Variants in EXOC6 observed in about 807,000 individuals in gnomAD.
EXOC6 encodes the protein SEC15-like 1.
Under a neutral mutation model 112.5 loss-of-function variants are expected in EXOC6, and 60 were observed. The observed-to-expected ratio is 0.53, with a 90% CI of 0.43 to 0.66. The LOEUF (loss-of-function observed/expected upper bound fraction) is 0.66, where lower values mean the gene tolerates loss of function less well. Ranked by LOEUF, EXOC6 falls within the 30% of genes least tolerant of loss-of-function variation. The probability of loss-of-function intolerance (pLI) is 0.00; values close to 1 mark genes in which losing one functional copy is unlikely to be tolerated. For synonymous variants in EXOC6, 295 were observed against 308.0 expected, an observed-to-expected ratio of 0.96 and a Z score of 0.44; for missense variants, 855 against 957.1, an observed-to-expected ratio of 0.89 and a Z score of 1.41.
intron 1 of EXOC6, among the ~76,000 whole-genome samples, chr10:92,863,011 C>G (rs1564782490): frequency 6.6e-6 from 1 of 152,136 alleles, no homozygotes; most frequent in African/African-American, 2.4e-5. Flanking sequence ...GATACAAGCT[C>G]GACTTAACAG....
intron 18 of EXOC6, among the ~76,000 whole-genome samples, chr10:92,975,649 G>T (rs1397421297): frequency 7.7e-6 from 1 of 129,484 alleles, no homozygotes; most frequent in East Asian, 2.4e-4. Flanking sequence ...CAGCCACCCC[G>T]TCCGGGAGGT....
intron 20 of EXOC6, among the ~76,000 whole-genome samples, chr10:93,017,310 G>A (rs1397411761): frequency 2.0e-5 from 3 of 151,984 alleles, no homozygotes; most frequent in African/African-American, 7.2e-5. Context: ...CATATTGGGG[G>A]CTGGGCACGG....
At chr10:92,864,341 T>C (rs1027579232) in intron 1 of EXOC6, among the ~76,000 whole-genome samples, 6 of 152,246 alleles carry the variant, frequency 3.9e-5, no homozygotes, top group East Asian at 1.9e-4. Flanking sequence ...AAGGCAGATA[T>C]ACATCATTTT....
Position 92,925,875 on chromosome 10 carries a change from C to A in EXOC6, c.889-2464C>A, listed in dbSNP as rs920424691. On this transcript the variant is annotated intron_variant, in intron 8 of 21. Coordinates refer to ENST00000260762, the MANE Select transcript of EXOC6 (RefSeq NM_019053.6). ...GAGATAGCTTGACATGCTGCCTAGGCTGATCATGAACTCCTGGCCTTGAGC... is the reference window on the plus strand; with the variant it reads ...GAGATAGCTTGACATGCTGCCTAGGATGATCATGAACTCCTGGCCTTGAGC... 6.6e-5 allele frequency among the ~76,000 whole-genome samples: 10 copies of A among 151,784 alleles called. 1 individual carries two copies. The highest frequency in any genetic ancestry group is 2.4e-4 in the African/African-American group (10 of 41,280).
chr10:93,013,214 T>G (rs1437125183), intron 19 of EXOC6, among the ~76,000 whole-genome samples: 1 of 152,170 alleles, frequency 6.6e-6, no homozygotes, highest in African/African-American at 2.4e-5. Context: ...GTTAGTAGTA[T>G]TAAAAATTTT....
intron 5 of EXOC6, among the ~76,000 whole-genome samples, chr10:92,904,307 G>T (rs140837399): frequency 3.5e-4 from 54 of 152,134 alleles, no homozygotes; most frequent in Admixed American, 1.2e-3. Flanking sequence ...ATTAATGTGG[G>T]TAAATACCTG....
At chr10:92,851,924 T>C (rs557987648) in intron 1 of EXOC6, among the ~76,000 whole-genome samples, 1 of 152,064 alleles carries the variant, frequency 6.6e-6, no homozygotes, top group African/African-American at 2.4e-5. Flanking sequence ...AAAAATTAGC[T>C]AAGTGTGGTG....
chr10:92,899,727 G>A (rs1230271045), intron 5 of EXOC6, 83 bp downstream of exon 5: 1 of 1,037,418 alleles, frequency 9.6e-7, no homozygotes, highest in East Asian at 2.5e-5. Context: ...ATAAATCATA[G>A]TGAATCATGA....
rs142172546 is a variant in EXOC6 at position 92,873,725 on chromosome 10, A to G, written c.102-19624A>G. The stretch of plus-strand genomic sequence containing the variant: ...ATAGAACGTGAGTTTTATGTAAACA[A>G]GAAATATTTTTCAGTATTCCGTGGT... On this transcript the variant is annotated intron_variant, in intron 1 of 21. Coordinates refer to ENST00000260762, the MANE Select transcript of EXOC6 (RefSeq NM_019053.6). Among the ~76,000 whole-genome samples, 18 of 152,250 alleles carry G rather than the reference A, an allele frequency of 1.2e-4. No homozygotes were observed. In the East Asian group the frequency reaches 3.5e-3, roughly 29 times the overall value.
chr10:92,853,195 G>A (rs1847434958), intron 1 of EXOC6, among the ~76,000 whole-genome samples: 1 of 152,170 alleles, frequency 6.6e-6, no homozygotes, highest in Admixed American at 6.5e-5. Context: ...TGGAAGACTT[G>A]TATGTGAAAA....
At chr10:92,878,878 A>G (rs2133758139) in intron 1 of EXOC6, among the ~76,000 whole-genome samples, 1 of 151,280 alleles carries the variant, frequency 6.6e-6, no homozygotes, top group East Asian at 1.9e-4. Context: ...TTAATTTGTA[A>G]TAAGAGCTTA....
intron 18 of EXOC6, among the ~76,000 whole-genome samples, chr10:92,981,458 G>GTAAA (rs1420042855): frequency 6.6e-6 from 1 of 152,186 alleles, no homozygotes; most frequent in Non-Finnish European, 1.5e-5. Flanking sequence ...GTAAATGACA[G>GTAAA]TGAGTTTTAA....
chr10:92,908,508 T>G (rs1048237330), intron 5 of EXOC6, among the ~76,000 whole-genome samples: 6 of 152,208 alleles, frequency 3.9e-5, no homozygotes, highest in Non-Finnish European at 8.8e-5. Flanking sequence ...AATTAATTTT[T>G]AAAGTTCCTC....
intron 18 of EXOC6, among the ~76,000 whole-genome samples, chr10:92,992,588 A>G (rs1280479688): frequency 6.6e-6 from 1 of 152,270 alleles, no homozygotes; most frequent in East Asian, 1.9e-4. Flanking sequence ...AAGATGTTCC[A>G]TATAGTAAAA....
chr10:92,845,647 G>GTACA (rs1159573553), upstream of EXOC6, among the ~76,000 whole-genome samples: 1 of 151,092 alleles, frequency 6.6e-6, no homozygotes, highest in Non-Finnish European at 1.5e-5. Flanking sequence ...TGATTAAAAT[G>GTACA]TACAGTTAGG....
intron 20 of EXOC6, among the ~76,000 whole-genome samples, chr10:93,020,019 C>A (rs1157749786): frequency 6.6e-6 from 1 of 151,982 alleles, no homozygotes; most frequent in Admixed American, 6.6e-5. Flanking sequence ...ATTTATTTTA[C>A]AAATAAATTG....
chr10:92,959,198 A>G (rs971503171), intron 17 of EXOC6, among the ~76,000 whole-genome samples: 1 of 152,212 alleles, frequency 6.6e-6, no homozygotes, highest in Non-Finnish European at 1.5e-5. Flanking sequence ...AAATAGACCC[A>G]CATAAATATA....
At chr10:92,999,352 T>C in intron 19 of EXOC6, 1 of 372,642 alleles carries the variant, frequency 2.7e-6, no homozygotes. Context: ...CGTGAGCTAC[T>C]GTGCCTGGCC....
chr10:93,048,343 A>G (rs1846105527), intron 20 of EXOC6, among the ~76,000 whole-genome samples: 2 of 152,120 alleles, frequency 1.3e-5, no homozygotes, highest in Admixed American at 6.5e-5. Flanking sequence ...TCTTTCTTCT[A>G]TTGGGTAATT....
Sources: allele counts gnomAD v4.1 joint callset (sites outside exome capture counted in the v4.1 genomes callset), GRCh38; gene constraint gnomAD v4.1.1; transcripts MANE v1.5; gene names NCBI Gene and HGNC (gene_info 2026-07-23, HGNC 2026-07-21).